The following PLD5 variants were observed in gnomAD, a reference collection of about 807,000 sequenced individuals.
The protein encoded by PLD5 is phospholipase D family member 5.
PLD5 carries 36 observed loss-of-function variants against 61.1 expected under a neutral mutation model. The ratio of observed to expected loss-of-function variants is 0.59; its 90% CI spans 0.45 to 0.78. PLD5 has a LOEUF of 0.78. PLD5 is among the 30% of genes least tolerant of loss of function. PLD5 has a pLI of 0.00. For missense variants in PLD5, 515 were observed against 644.4 expected (o/e 0.80, Z 2.17); for synonymous variants, 243 against 242.8 (o/e 1.00, Z -0.01).
chr1:242,174,755 T>C (rs1162139882), intron 5 of PLD5, among the ~76,000 whole-genome samples: 1 of 151,998 alleles, frequency 6.6e-6, no homozygotes, highest in South Asian at 2.1e-4. Context: ...TGTAGGGACA[T>C]GGATGAAGCT....
rs917399682 is a variant in PLD5 at position 242,089,081 on chromosome 1, A to AT, written c.*772dup. 105 of 368,912 alleles carry AT rather than the reference A, an allele frequency of 2.8e-4. No individual in the cohort carries two copies. The highest frequency in any genetic ancestry group is 1.4e-3 in the Admixed American group (30 of 21,714). The allele number at this position is 368,912 out of a possible 1,614,324, so 22.9% of individuals were successfully genotyped here. A position where few individuals can be genotyped will look rare whatever the true frequency, so the allele number is the denominator to read the frequency against. On this transcript the variant is annotated 3_prime_UTR_variant, in exon 10 of 10. Coordinates refer to ENST00000536534, the MANE Select transcript of PLD5 (RefSeq NM_001372062.1). ...GAAAGGATACATATTGCTGACTGTG[A>AT]TTTTTTTTAAATACCAATTCGGTAG...
chr1:242,227,875 T>C (rs574353202), intron 4 of PLD5, among the ~76,000 whole-genome samples: 3 of 152,318 alleles, frequency 2.0e-5, no homozygotes, highest in Admixed American at 2.0e-4. Context: ...TCACAGATAA[T>C]ATCAGATACT....
At chr1:242,252,198 T>C (rs1180053663) in intron 4 of PLD5, among the ~76,000 whole-genome samples, 1 of 152,176 alleles carries the variant, frequency 6.6e-6, no homozygotes, top group Non-Finnish European at 1.5e-5. Flanking sequence ...ACAAAAATAA[T>C]AGGCCATGGC....
At chr1:242,279,886 A>T (rs1470627761) in intron 3 of PLD5, among the ~76,000 whole-genome samples, 2 of 152,086 alleles carry the variant, frequency 1.3e-5, no homozygotes, top group Admixed American at 1.3e-4. Context: ...TCTGTGTAGA[A>T]TTTTCTATCT....
intron 4 of PLD5, among the ~76,000 whole-genome samples, chr1:242,253,398 T>C (rs1401574629): frequency 6.7e-6 from 1 of 148,588 alleles, no homozygotes; most frequent in African/African-American, 2.5e-5. Context: ...CTGCAAGCTC[T>C]GCCCCCTGGG....
intron 1 of PLD5, among the ~76,000 whole-genome samples, chr1:242,507,789 A>G (rs1003369872): frequency 1.3e-5 from 2 of 152,252 alleles, no homozygotes; most frequent in Non-Finnish European, 2.9e-5. Flanking sequence ...TCAACAATTT[A>G]TCTTAAAGCC....
At chr1:242,415,966 A>C (rs1401173249) in intron 1 of PLD5, among the ~76,000 whole-genome samples, 1 of 152,206 alleles carries the variant, frequency 6.6e-6, no homozygotes, top group Non-Finnish European at 1.5e-5. Flanking sequence ...CTAAAAATTT[A>C]ACATAAACCA....
rs535094975 is a variant in PLD5 at position 242,303,448 on chromosome 1, C to T, written c.327-14918G>A. Among the ~76,000 whole-genome samples, 142 of 152,326 alleles carry T rather than the reference C, an allele frequency of 9.3e-4. 1 individual carries two copies. The highest frequency in any genetic ancestry group is 3.1e-3 in the African/African-American group (130 of 41,574). On this transcript the variant is annotated intron_variant, in intron 2 of 9. Coordinates refer to ENST00000536534, the MANE Select transcript of PLD5 (RefSeq NM_001372062.1). Reference sequence around the variant, plus strand: ...AGAGAATCATTTTTATTTCAACCCACATTAAAAGTATTTCTAAAATGTATA... The same window carrying T: ...AGAGAATCATTTTTATTTCAACCCATATTAAAAGTATTTCTAAAATGTATA...
chr1:242,520,699 A>G (rs1047307882), intron 1 of PLD5, among the ~76,000 whole-genome samples: 1 of 152,136 alleles, frequency 6.6e-6, no homozygotes, highest in East Asian at 1.9e-4. Context: ...AAAAAGAAAA[A>G]TGTTCAAAAA....
chr1:242,112,339 G>GTGTGTGTATATATATATATATATATA (rs1370325825), intron 7 of PLD5, among the ~76,000 whole-genome samples: 19 of 143,420 alleles, frequency 1.3e-4, no homozygotes, highest in Middle Eastern at 7.3e-3. Context: ...ATGTATATGT[G>GTGTGTGTATATATATATATATATATA]TATATATATA....
intron 1 of PLD5, among the ~76,000 whole-genome samples, chr1:242,398,299 G>C (rs1004610562): frequency 6.6e-6 from 1 of 152,160 alleles, no homozygotes; most frequent in Non-Finnish European, 1.5e-5. Context: ...AGACTCAGTA[G>C]AGCTCACATA....
chr1:242,189,435 G>T (rs1434951422), intron 5 of PLD5, among the ~76,000 whole-genome samples: 1 of 109,638 alleles, frequency 9.1e-6, no homozygotes, highest in Non-Finnish European at 1.7e-5. Context: ...GACAGAGTGA[G>T]ACTCCATCTC....
intron 1 of PLD5, among the ~76,000 whole-genome samples, chr1:242,388,091 C>T (rs1572033910): frequency 6.6e-6 from 1 of 152,180 alleles, no homozygotes; most frequent in East Asian, 1.9e-4. Flanking sequence ...AGGTAGAAAG[C>T]ATTTCAGATT....
chr1:242,525,155 C>G (rs1669411471), upstream of PLD5, among the ~76,000 whole-genome samples: 1 of 152,192 alleles, frequency 6.6e-6, no homozygotes, highest in East Asian at 1.9e-4. Context: ...AGCATTCCCC[C>G]CTGAAAATAG....
At chr1:242,215,360 C>T (rs139196115) in intron 5 of PLD5, among the ~76,000 whole-genome samples, 15 of 151,946 alleles carry the variant, frequency 9.9e-5, no homozygotes, top group African/African-American at 2.2e-4. Flanking sequence ...AAAACATGCC[C>T]GTTCAACTCT....
chr1:242,265,728 C>T (rs910201694), intron 3 of PLD5, among the ~76,000 whole-genome samples: 23 of 152,052 alleles, frequency 1.5e-4, no homozygotes, highest in African/African-American at 5.6e-4. Flanking sequence ...CCCTTTTCTG[C>T]TTTTTGAATC....
intron 5 of PLD5, among the ~76,000 whole-genome samples, chr1:242,145,654 C>A (rs1320641655): frequency 6.6e-6 from 1 of 152,026 alleles, no homozygotes; most frequent in Non-Finnish European, 1.5e-5. Flanking sequence ...ATGGCCCATC[C>A]AACAGGAAGT....
rs1310995072 is a variant in PLD5, at chr1:242,394,921, T to C, written c.190-46679A>G. On this transcript the variant is annotated intron_variant, in intron 1 of 9. Coordinates refer to ENST00000536534, the MANE Select transcript of PLD5 (RefSeq NM_001372062.1). ...GATTATATATGAATATATATGTATA[T>C]ATGTATACATTATATGAATATATAT... Among the ~76,000 whole-genome samples, 10 of 83,656 alleles carry C rather than the reference T, an allele frequency of 1.2e-4. 1 individual carries two copies. In the South Asian group the frequency reaches 4.0e-3, roughly 33 times the overall value. The allele number at this position is 83,656 out of a possible 152,430, so 54.9% of individuals were successfully genotyped here.
rs140967323 is a variant in PLD5 at position 242,313,562 on chromosome 1, C to T, written c.327-25032G>A. ...TGTCCAGGCTTAATGTGAATATACT[C>T]ATGCTTGATAAAATAATAGAGGAGT... On this transcript the variant is annotated intron_variant, in intron 2 of 9. Coordinates refer to ENST00000536534, the MANE Select transcript of PLD5 (RefSeq NM_001372062.1). Among the ~76,000 whole-genome samples the T allele has an allele frequency of 2.7e-3, 413 of 152,294 alleles. 1 individual carries two copies. The highest frequency in any genetic ancestry group is 9.7e-3 in the African/African-American group (401 of 41,554).
Sources: gnomAD v4.1 joint callset for allele counts (sites outside exome capture counted in the v4.1 genomes callset) on GRCh38, gnomAD v4.1.1 for gene constraint, MANE v1.5 for transcripts, NCBI Gene and HGNC (gene_info 2026-07-23, HGNC 2026-07-21) for gene names.